The following RALGAPA2 variants were observed in gnomAD, a reference collection of about 807,000 sequenced individuals.
The protein encoded by RALGAPA2 is ral GTPase-activating protein subunit alpha-2.
In RALGAPA2, 139 loss-of-function variants were observed where a neutral mutation model predicts 230.4. The ratio of observed to expected loss-of-function variants is 0.60; its 90% CI spans 0.53 to 0.69. RALGAPA2 has a LOEUF of 0.69. RALGAPA2 is among the 30% of genes least tolerant of loss of function. RALGAPA2 has a pLI of 0.00. For missense variants in RALGAPA2, 2,163 were observed against 2,276.0 expected (o/e 0.95, Z 1.01); for synonymous variants, 847 against 837.8 (o/e 1.01, Z -0.19).
intron 37 of RALGAPA2, among the ~76,000 whole-genome samples, chr20:20,463,615 A>G (rs962290981): frequency 6.6e-6 from 1 of 152,168 alleles, no homozygotes; most frequent in African/African-American, 2.4e-5. Context: ...AGAAGATTCC[A>G]TGTCTCTTCC....
intron 1 of RALGAPA2, among the ~76,000 whole-genome samples, chr20:20,700,723 A>G (rs1434653505): frequency 6.6e-6 from 1 of 152,238 alleles, no homozygotes; most frequent in Non-Finnish European, 1.5e-5. Context: ...TCACAGAAAT[A>G]GTCCTTTCTT....
intron 3 of RALGAPA2, among the ~76,000 whole-genome samples, chr20:20,673,884 A>G (rs1301390034): frequency 6.6e-6 from 1 of 152,108 alleles, no homozygotes; most frequent in African/African-American, 2.4e-5. Flanking sequence ...AGATCCAAAA[A>G]TGCAAACAAA....
At chr20:20,589,414 G>A (rs1362776891) in intron 17 of RALGAPA2, 49 bp from the exon 18 acceptor site, 2 of 1,515,168 alleles carry the variant, frequency 1.3e-6, no homozygotes, top group Non-Finnish European at 1.8e-6. Flanking sequence ...GAATGTTTCA[G>A]ATAGTAAAAC....
chr20:20,699,426 A>C (rs1220323601), intron 1 of RALGAPA2, among the ~76,000 whole-genome samples: 1 of 152,222 alleles, frequency 6.6e-6, no homozygotes, highest in African/African-American at 2.4e-5. Context: ...ATGCATCCTC[A>C]TCTTATTAGA....
At chr20:20,668,283 G>T (rs575952990) in intron 3 of RALGAPA2, among the ~76,000 whole-genome samples, 1 of 152,232 alleles carries the variant, frequency 6.6e-6, no homozygotes, top group East Asian at 1.9e-4. Context: ...GGTGCCTGTA[G>T]TCCCAGCTAC....
chr20:20,549,388 C>G (rs1022487627), intron 23 of RALGAPA2, among the ~76,000 whole-genome samples: 5 of 152,114 alleles, frequency 3.3e-5, no homozygotes, highest in Non-Finnish European at 7.4e-5. Context: ...TTCAACGGAA[C>G]CTGCTACTAT....
At chr20:20,652,734 C>T (rs1829645050) in intron 4 of RALGAPA2, among the ~76,000 whole-genome samples, 1 of 152,158 alleles carries the variant, frequency 6.6e-6, no homozygotes, top group Admixed American at 6.5e-5. Context: ...CAGAATTACT[C>T]CAGCTGTGCT....
At chr20:20,632,955 CTT>C (rs530963909) in intron 9 of RALGAPA2, among the ~76,000 whole-genome samples, 1 of 146,898 alleles carries the variant, frequency 6.8e-6, no homozygotes, top group Non-Finnish European at 1.5e-5. Context: ...AAATCTTTCA[CTT>C]TTTTTTTTTT....
At chr20:20,656,894 T>C (rs1344838280) in intron 3 of RALGAPA2, among the ~76,000 whole-genome samples, 1 of 152,102 alleles carries the variant, frequency 6.6e-6, no homozygotes, top group African/African-American at 2.4e-5. Flanking sequence ...CCAGGCCAAA[T>C]GAGCAACTCT....
chr20:20,476,296 T>A (rs1408828882), intron 36 of RALGAPA2, among the ~76,000 whole-genome samples: 2 of 152,156 alleles, frequency 1.3e-5, no homozygotes, highest in Non-Finnish European at 2.9e-5. Flanking sequence ...TTATATTACC[T>A]AATTTCATGG....
Position 20,560,914 on chromosome 20 carries a change from C to T in RALGAPA2, c.3156+10544G>A, listed in dbSNP as rs77990478. 4.9e-3 allele frequency among the ~76,000 whole-genome samples: 748 copies of T among 152,318 alleles called. 7 individuals carry two copies. The highest frequency in any genetic ancestry group is 0.017 in the African/African-American group (713 of 41,554). On this transcript the variant is annotated intron_variant, in intron 23 of 39. Transcript: ENST00000202677. ...AAATGTACCATTGCCTACTGAAGGC[C>T]TAACTATCTTTCCCTTCCCAAAGTC...
At chr20:20,529,229 T>C (rs1427854675) in intron 27 of RALGAPA2, among the ~76,000 whole-genome samples, 1 of 152,222 alleles carries the variant, frequency 6.6e-6, no homozygotes, top group African/African-American at 2.4e-5. Flanking sequence ...CAATTCAAGC[T>C]GGAGTCAGTT....
chr20:20,697,067 T>A (rs1261897658), intron 1 of RALGAPA2, among the ~76,000 whole-genome samples: 2 of 152,088 alleles, frequency 1.3e-5, no homozygotes, highest in African/African-American at 2.4e-5. Context: ...CCTAATAGAA[T>A]GAAAGTCCCA....
intron 18 of RALGAPA2, among the ~76,000 whole-genome samples, chr20:20,587,963 G>A (rs983811084): frequency 1.3e-5 from 2 of 151,978 alleles, no homozygotes; most frequent in African/African-American, 2.4e-5. Context: ...CAATAAAAAT[G>A]AAAAAATCTG....
At chr20:20,451,263 G>T (rs1443660942) in intron 37 of RALGAPA2, among the ~76,000 whole-genome samples, 1 of 152,068 alleles carries the variant, frequency 6.6e-6, no homozygotes, top group Non-Finnish European at 1.5e-5. Context: ...TAAGTTAGAT[G>T]TGCATTTGAA....
chr20:20,571,656 G>A (rs1216535858), intron 22 of RALGAPA2, 43 bp from the exon 23 acceptor site: 4 of 1,580,840 alleles, frequency 2.5e-6, no homozygotes, highest in East Asian at 4.6e-5. Context: ...AAGCCCAGGT[G>A]CAGAGTATTT....
intron 16 of RALGAPA2, among the ~76,000 whole-genome samples, chr20:20,592,463 T>C (rs1389165392): frequency 6.6e-6 from 1 of 152,156 alleles, no homozygotes; most frequent in Non-Finnish European, 1.5e-5. Context: ...CATGCTGCCC[T>C]GGGAATATCC....
At position 20,524,874 on chromosome 20, in the gene RALGAPA2, G is replaced by A; in HGVS notation, c.3718C>T (p.Leu1240Phe). The change falls in exon 29 of 40, where the codon CTT (leucine) becomes TTT (phenylalanine). Residue 1240 changes from leucine (L) to phenylalanine (F), a missense_variant. Physicochemically the swap from Leu to Phe is conservative, Grantham distance 22 (BLOSUM62 0). Coordinates refer to ENST00000202677, the MANE Select transcript of RALGAPA2 (RefSeq NM_020343.4). ...AEILVATVAFLLPSAEYSSVE... is the reference protein window; with the variant it reads ...AEILVATVAFFLPSAEYSSVE... ...GAGGAGTACTCTGCACTTGGTAAAA[G>A]AAAAGCAACTGTGGCCACGAGGATC... The A allele has an allele frequency of 1.2e-6, 2 of 1,609,820 alleles. No homozygotes were observed. Among genetic ancestry groups the A allele is most frequent in the Non-Finnish European group, 1.7e-6 (2 of 1,178,074 alleles).
chr20:20,552,319 G>A (rs1415200780), intron 23 of RALGAPA2, among the ~76,000 whole-genome samples: 1 of 152,076 alleles, frequency 6.6e-6, no homozygotes, highest in African/African-American at 2.4e-5. Flanking sequence ...TCCACCTAAA[G>A]TCACTCCGTC....
Sources: allele counts gnomAD v4.1 joint callset (sites outside exome capture counted in the v4.1 genomes callset), GRCh38; gene constraint gnomAD v4.1.1; transcripts MANE v1.5; gene names NCBI Gene and HGNC (gene_info 2026-07-23, HGNC 2026-07-21).